Variants in CYP19A1 observed in about 807,000 individuals in gnomAD.
CYP19A1 encodes cytochrome P450 family 19 subfamily A member 1.
Under a neutral mutation model 44.4 loss-of-function variants are expected in CYP19A1, and 32 were observed. That is an observed-to-expected ratio of 0.72 (90% CI 0.54 to 0.97). The LOEUF (loss-of-function observed/expected upper bound fraction) is 0.97, where lower values mean the gene tolerates loss of function less well. CYP19A1 is among the 50% of genes least tolerant of loss of function. CYP19A1 has a pLI of 0.00. For synonymous variants in CYP19A1, 212 were observed against 215.6 expected, an observed-to-expected ratio of 0.98 and a Z score of 0.14; for missense variants, 598 against 637.8, an observed-to-expected ratio of 0.94 and a Z score of 0.67.
chr15:51,285,717 C>G (rs983348990), intron 1 of CYP19A1, among the ~76,000 whole-genome samples: 2 of 152,194 alleles, frequency 1.3e-5, no homozygotes, highest in Admixed American at 6.5e-5. Flanking sequence ...GTAGATCATG[C>G]ACTTGCCCTT....
At chr15:51,273,760 C>G (rs1245007670) in intron 1 of CYP19A1, among the ~76,000 whole-genome samples, 2 of 152,118 alleles carry the variant, frequency 1.3e-5, no homozygotes, top group Non-Finnish European at 2.9e-5. Flanking sequence ...AATCCCAGCA[C>G]TTTGGGAGGC....
intron 1 of CYP19A1, among the ~76,000 whole-genome samples, chr15:51,259,267 G>T (rs183351039): frequency 1.3e-5 from 2 of 152,218 alleles, no homozygotes; most frequent in Admixed American, 1.3e-4. Context: ...AAAAATAATG[G>T]TGTATCCGTT....
Position 51,325,836 on chromosome 15 carries a change from C to CA in CYP19A1, c.-39+12658dup, listed in dbSNP as rs61378264. 2.0e-3 allele frequency among the ~76,000 whole-genome samples: 114 copies of CA among 57,194 alleles called. 3 individuals carry two copies. The highest frequency in any genetic ancestry group is 3.0e-3 in the Non-Finnish European group (98 of 33,120). 37.5% of individuals were successfully genotyped at this position (57,194 alleles called of 152,430 possible). On this transcript the variant is annotated intron_variant, in intron 1 of 9. Transcript: ENST00000396402. ...CTGGTGACAGAGTGAGACTCCGTCT[C>CA]AAAAAAAAAAAAAAAAAAAAAAAAA...
chr15:51,243,397 TC>T (rs2033897778), intron 1 of CYP19A1, among the ~76,000 whole-genome samples: 1 of 152,084 alleles, frequency 6.6e-6, no homozygotes, highest in Admixed American at 6.5e-5. Context: ...ATCTCCCAAC[TC>T]CCCTTTTTGA....
At chr15:51,289,409 C>A (rs150148406) in intron 1 of CYP19A1, among the ~76,000 whole-genome samples, 3 of 152,176 alleles carry the variant, frequency 2.0e-5, no homozygotes, top group African/African-American at 7.2e-5. Context: ...AGAGCCCCTG[C>A]CCCTGACTCC....
chr15:51,300,362 A>C (rs1303600516), intron 1 of CYP19A1, among the ~76,000 whole-genome samples: 2 of 152,230 alleles, frequency 1.3e-5, no homozygotes, highest in African/African-American at 4.8e-5. Flanking sequence ...GGCCGCACGC[A>C]GCCTATTAGC....
chr15:51,334,526 T>G (rs2036748034), intron 1 of CYP19A1, among the ~76,000 whole-genome samples: 1 of 152,260 alleles, frequency 6.6e-6, no homozygotes, highest in Non-Finnish European at 1.5e-5. Context: ...CTGTGGATTT[T>G]GCAGTTTCAA....
At chr15:51,309,219 T>C (rs868610705) in intron 1 of CYP19A1, among the ~76,000 whole-genome samples, 6 of 152,208 alleles carry the variant, frequency 3.9e-5, no homozygotes, top group African/African-American at 1.4e-4. Context: ...TTTTTAGCTC[T>C]CTTTCTGCTA....
intron 1 of CYP19A1, among the ~76,000 whole-genome samples, chr15:51,302,202 A>AT (rs1472443178): frequency 3.3e-5 from 5 of 152,176 alleles, no homozygotes; most frequent in African/African-American, 1.2e-4. Context: ...GCTGACAGGC[A>AT]TGAGCTAGTC....
At chr15:51,320,772 G>A (rs1687271073) in intron 1 of CYP19A1, among the ~76,000 whole-genome samples, 1 of 152,176 alleles carries the variant, frequency 6.6e-6, no homozygotes, top group South Asian at 2.1e-4. Context: ...ATCTTAAATT[G>A]TGTAACACAC....
At chr15:51,222,967 G>C (rs1026774912) in intron 4 of CYP19A1, among the ~76,000 whole-genome samples, 5 of 152,126 alleles carry the variant, frequency 3.3e-5, no homozygotes, top group African/African-American at 1.2e-4. Flanking sequence ...GATATTATTG[G>C]AAAACTGGTC....
chr15:51,216,574 C>G (rs965204661), intron 6 of CYP19A1, among the ~76,000 whole-genome samples: 13 of 152,126 alleles, frequency 8.5e-5, no homozygotes, highest in African/African-American at 3.1e-4. Flanking sequence ...CTTTTATTTG[C>G]CTAGTCCTGA....
intron 4 of CYP19A1, among the ~76,000 whole-genome samples, chr15:51,223,589 T>TCACA (rs1324311926): frequency 4.5e-5 from 3 of 66,178 alleles, no homozygotes; most frequent in African/African-American, 1.5e-4. Context: ...TCTCTCTCTC[T>TCACA]CTCTCACACA....
At chr15:51,246,938 T>C (rs2034083961) in intron 1 of CYP19A1, among the ~76,000 whole-genome samples, 1 of 152,148 alleles carries the variant, frequency 6.6e-6, no homozygotes, top group Non-Finnish European at 1.5e-5. Flanking sequence ...TCTCTATCCA[T>C]TTCCTCATCT....
intron 6 of CYP19A1, 75 bp from the exon 7 acceptor site, chr15:51,215,892 A>T (rs2031526255): frequency 1.2e-6 from 2 of 1,600,646 alleles, no homozygotes; most frequent in South Asian, 2.2e-5. Flanking sequence ...TTTGCCATGT[A>T]TTTAGGTAAA....
intron 1 of CYP19A1, among the ~76,000 whole-genome samples, chr15:51,249,463 G>A (rs10519297): frequency 0.37 from 56,628 of 151,972 alleles, 12,499 homozygotes; most frequent in Non-Finnish European, 0.5. Context: ...TCTCCGACAT[G>A]GGTCTTGGAC....
At chr15:51,337,348 A>G (rs2036793345) in intron 1 of CYP19A1, among the ~76,000 whole-genome samples, 1 of 152,248 alleles carries the variant, frequency 6.6e-6, no homozygotes, top group Admixed American at 6.5e-5. Flanking sequence ...AGTCTCAGCC[A>G]GTTCATATGG....
At chr15:51,334,024 C>T (rs2036740832) in intron 1 of CYP19A1, among the ~76,000 whole-genome samples, 1 of 152,132 alleles carries the variant, frequency 6.6e-6, no homozygotes, top group Admixed American at 6.5e-5. Flanking sequence ...TAAAATCCTC[C>T]TTAATCTGCT....
At chr15:51,275,684 AT>A (rs951167770) in intron 1 of CYP19A1, among the ~76,000 whole-genome samples, 2 of 151,466 alleles carry the variant, frequency 1.3e-5, no homozygotes, top group Non-Finnish European at 2.9e-5. Flanking sequence ...GACTGCTCAC[AT>A]TTTTTTTTCT....
Sources: gnomAD v4.1 joint callset for allele counts (sites outside exome capture counted in the v4.1 genomes callset) on GRCh38, gnomAD v4.1.1 for gene constraint, MANE v1.5 for transcripts, NCBI Gene and HGNC (gene_info 2026-07-23, HGNC 2026-07-21) for gene names.